The following GALNTL6 variants were observed in gnomAD, a reference collection of about 807,000 sequenced individuals.
GALNTL6 encodes polypeptide N-acetylgalactosaminyltransferase like 6, also known as polypeptide N-acetylgalactosaminyltransferase-like 6.
Under a neutral mutation model 73.7 loss-of-function variants are expected in GALNTL6, and 46 were observed. The ratio of observed to expected loss-of-function variants is 0.62; its 90% CI spans 0.49 to 0.80. GALNTL6 has a LOEUF of 0.80. Among genes scored for constraint, GALNTL6 ranks in the 30% least tolerant of loss-of-function variants. The pLI is 0.00. For synonymous variants in GALNTL6, 259 were observed against 263.7 expected, an observed-to-expected ratio of 0.98 and a Z score of 0.17; for missense variants, 604 against 755.0, an observed-to-expected ratio of 0.80 and a Z score of 2.34.
In GALNTL6 at chr4:172,233,526, T is replaced by A. The variant is rs1318312635; in HGVS notation, c.247+3762T>A. Among the ~76,000 whole-genome samples, 5 of 152,284 alleles carry A rather than the reference T, an allele frequency of 3.3e-5. No homozygotes were observed. The East Asian group carries it at 9.6e-4, about 29-fold the overall frequency. ...TTATTAACATTTATTAAGAAATTTG[T>A]CTTTCCCTCCATTGCTCTGAACTAT... On this transcript the variant is annotated intron_variant, in intron 3 of 12. Coordinates refer to ENST00000506823, the MANE Select transcript of GALNTL6 (RefSeq NM_001034845.3).
chr4:172,817,616 T>A (rs1451037652), intron 7 of GALNTL6, among the ~76,000 whole-genome samples: 3 of 152,156 alleles, frequency 2.0e-5, no homozygotes, highest in Admixed American at 2.0e-4. Flanking sequence ...AATGAAAGAC[T>A]TTTCTGTGTG....
chr4:172,052,270 G>A (rs1505494), intron 2 of GALNTL6, among the ~76,000 whole-genome samples: 148,029 of 152,224 alleles, frequency 0.97, 72,105 homozygotes, highest in Middle Eastern at 1. Flanking sequence ...AGAGCCTCAA[G>A]GCAGAGAGGA....
At chr4:172,223,481 T>TA (rs1354213366) in intron 2 of GALNTL6, among the ~76,000 whole-genome samples, 1 of 152,118 alleles carries the variant, frequency 6.6e-6, no homozygotes, top group Non-Finnish European at 1.5e-5. Context: ...ACTCTTCAGT[T>TA]AGAGAGTCTT....
intron 2 of GALNTL6, among the ~76,000 whole-genome samples, chr4:171,969,016 T>C (rs1410181702): frequency 6.6e-6 from 1 of 152,054 alleles, no homozygotes; most frequent in East Asian, 1.9e-4. Context: ...TTTGTATTTT[T>C]AGTAGTGGTG....
intron 5 of GALNTL6, among the ~76,000 whole-genome samples, chr4:172,429,315 G>A (rs1422845822): frequency 2.0e-5 from 3 of 151,690 alleles, no homozygotes; most frequent in Non-Finnish European, 4.4e-5. Flanking sequence ...GGGTTCAAGC[G>A]ATTCTCCTGC....
intron 2 of GALNTL6, among the ~76,000 whole-genome samples, chr4:172,079,870 T>A (rs1043696067): frequency 1.3e-5 from 2 of 151,970 alleles, no homozygotes; most frequent in Admixed American, 6.6e-5. Flanking sequence ...TTTAACTTTT[T>A]AAAAAAAATT....
intron 5 of GALNTL6, among the ~76,000 whole-genome samples, chr4:172,596,283 C>A (rs1204899021): frequency 6.6e-6 from 1 of 151,702 alleles, no homozygotes; most frequent in Non-Finnish European, 1.5e-5. Context: ...TGGTGAAACC[C>A]CATCTCTACA....
At chr4:172,321,858 T>C (rs1740767850) in intron 4 of GALNTL6, among the ~76,000 whole-genome samples, 1 of 152,066 alleles carries the variant, frequency 6.6e-6, no homozygotes, top group African/African-American at 2.4e-5. Context: ...AAGACAATAA[T>C]TGGTCACAGC....
intron 5 of GALNTL6, among the ~76,000 whole-genome samples, chr4:172,488,983 A>C (rs1733803374): frequency 6.6e-6 from 1 of 152,186 alleles, no homozygotes; most frequent in South Asian, 2.1e-4. Flanking sequence ...TCGTCTACTC[A>C]AGACAACAGA....
intron 3 of GALNTL6, among the ~76,000 whole-genome samples, chr4:172,275,782 C>T (rs1429674549): frequency 6.6e-6 from 1 of 152,078 alleles, no homozygotes; most frequent in Non-Finnish European, 1.5e-5. Context: ...CATGGTGAAA[C>T]CCCGTCTCTA....
At chr4:172,606,245 G>A (rs910089409) in intron 5 of GALNTL6, among the ~76,000 whole-genome samples, 3 of 151,646 alleles carry the variant, frequency 2.0e-5, no homozygotes, top group African/African-American at 7.3e-5. Flanking sequence ...TTTAGAGGTC[G>A]GGAGTTCCAG....
At chr4:172,099,892 C>G (rs1016359261) in intron 2 of GALNTL6, among the ~76,000 whole-genome samples, 1 of 151,952 alleles carries the variant, frequency 6.6e-6, no homozygotes, top group Non-Finnish European at 1.5e-5. Context: ...TAAAATATAC[C>G]CTAATGATTG....
Position 172,620,142 on chromosome 4 carries a change from T to C in GALNTL6, c.554-189219T>C, listed in dbSNP as rs558296133. The stretch of plus-strand genomic sequence containing the variant: ...TGGTTCGAGCTTATGTAAACTTTGC[T>C]AAGAATAACTACATGATATAGTAAT... On this transcript the variant is annotated intron_variant, in intron 5 of 12. Coordinates refer to ENST00000506823, the MANE Select transcript of GALNTL6 (RefSeq NM_001034845.3). Among the ~76,000 whole-genome samples the C allele has an allele frequency of 2.0e-5, 3 of 152,296 alleles. No homozygotes were observed. In the East Asian group the frequency reaches 5.8e-4, roughly 29 times the overall value.
intron 2 of GALNTL6, among the ~76,000 whole-genome samples, chr4:172,007,151 G>A (rs72982512): frequency 0.074 from 11,290 of 151,956 alleles, 1,203 homozygotes; most frequent in African/African-American, 0.24. Flanking sequence ...CTGAAGATAA[G>A]AACCCCACAG....
At chr4:172,410,483 C>G (rs1031882325) in intron 5 of GALNTL6, among the ~76,000 whole-genome samples, 1 of 152,020 alleles carries the variant, frequency 6.6e-6, no homozygotes, top group Non-Finnish European at 1.5e-5. Context: ...ACTGCCATAA[C>G]ACTGCATTGC....
chr4:172,382,347 T>C (rs913436017), intron 5 of GALNTL6, among the ~76,000 whole-genome samples: 4 of 152,148 alleles, frequency 2.6e-5, no homozygotes, highest in African/African-American at 9.7e-5. Context: ...TTGATTTATA[T>C]TTACCTAATG....
intron 5 of GALNTL6, among the ~76,000 whole-genome samples, chr4:172,392,669 G>A (rs764840768): frequency 6.6e-6 from 1 of 152,072 alleles, no homozygotes; most frequent in Non-Finnish European, 1.5e-5. Flanking sequence ...TAAAACATCT[G>A]TGTTTCTTGC....
At chr4:172,294,667 G>A (rs933977169) in intron 3 of GALNTL6, among the ~76,000 whole-genome samples, 19 of 152,252 alleles carry the variant, frequency 1.2e-4, no homozygotes, top group Non-Finnish European at 2.5e-4. Context: ...CTTAGTGACT[G>A]TAAAAACTTT....
intron 10 of GALNTL6, among the ~76,000 whole-genome samples, chr4:172,956,729 G>A (rs7680651): frequency 0.014 from 2,085 of 152,298 alleles, 48 homozygotes; most frequent in African/African-American, 0.048. Context: ...TCTGAGGACA[G>A]GCCTGAATTA....
Sources: gnomAD v4.1 joint callset for allele counts (sites outside exome capture counted in the v4.1 genomes callset) on GRCh38, gnomAD v4.1.1 for gene constraint, MANE v1.5 for transcripts, NCBI Gene and HGNC (gene_info 2026-07-23, HGNC 2026-07-21) for gene names.